Variants in TM6SF1 observed in about 807,000 individuals in gnomAD.
TM6SF1 encodes the protein transmembrane 6 superfamily member 1.
In TM6SF1, 43 loss-of-function variants were observed where a neutral mutation model predicts 47.1. The observed-to-expected ratio is 0.91, with a 90% CI of 0.72 to 1.18. The LOEUF is 1.18. TM6SF1 is among the 50% of genes most tolerant of loss of function. The pLI, the probability that TM6SF1 is intolerant of heterozygous loss-of-function variation, is 0.00. For synonymous variants in TM6SF1, 177 were observed against 166.3 expected (o/e 1.06, Z -0.49); for missense variants, 390 against 449.0 (o/e 0.87, Z 1.19).
intron 2 of TM6SF1, chr15:83,114,752 G>C (rs1359846415): frequency 6.6e-6 from 1 of 152,166 alleles, no homozygotes; most frequent in Non-Finnish European, 1.5e-5. Flanking sequence ...CATAGTCTAA[G>C]GCACCAATCT....
At chr15:83,115,485 C>T (rs913457846) in intron 2 of TM6SF1, 1 of 390,554 alleles carries the variant, frequency 2.6e-6, no homozygotes, top group African/African-American at 2.1e-5. Flanking sequence ...TGGCTTTGCT[C>T]CCACTGCCCA....
intron 6 of TM6SF1, 39 bp from the exon 7 acceptor site, chr15:83,124,633 C>T (rs2035564405): frequency 2.7e-6 from 4 of 1,501,996 alleles, no homozygotes; most frequent in East Asian, 4.6e-5. Flanking sequence ...TCTTCTTTGG[C>T]ACTTTGGGCC....
At chr15:83,108,502 G>A (rs2033869284) in intron 1 of TM6SF1, among the ~76,000 whole-genome samples, 1 of 152,084 alleles carries the variant, frequency 6.6e-6, no homozygotes, top group Non-Finnish European at 1.5e-5. Flanking sequence ...CAATGTGAAG[G>A]AAATGGGTGG....
intron 3 of TM6SF1, 88 bp downstream of exon 3, chr15:83,116,030 G>A: frequency 2.0e-6 from 2 of 1,023,200 alleles, no homozygotes; most frequent in Non-Finnish European, 3.1e-6. Context: ...CTCTCATTTA[G>A]TGTGAACAGG....
At chr15:83,122,904 C>G (rs1465592045) in intron 6 of TM6SF1, 26 bp downstream of exon 6, 1 of 1,612,270 alleles carries the variant, frequency 6.2e-7, no homozygotes, top group Non-Finnish European at 8.5e-7. Context: ...TTTGATGTAC[C>G]CTGTTCTCAA....
At chr15:83,109,252 C>T (rs762028498) in intron 1 of TM6SF1, among the ~76,000 whole-genome samples, 7 of 152,168 alleles carry the variant, frequency 4.6e-5, no homozygotes, top group East Asian at 1.9e-4. Context: ...TGGAGCCTGT[C>T]GGGCAGGAAA....
At position 83,126,854 on chromosome 15, in the gene TM6SF1, T is replaced by C; in HGVS notation, c.801+7T>C. ...TGCTTATCCTAAAATTCAGGTCAAGTAGTTATGAAGCCTAAGATTTTTCTA... is the reference window on the plus strand; with the variant it reads ...TGCTTATCCTAAAATTCAGGTCAAGCAGTTATGAAGCCTAAGATTTTTCTA... On this transcript the variant is annotated splice_region_variant and intron_variant, in intron 8 of 9. Transcript: ENST00000322019. The C allele has an allele frequency of 3.7e-6, 6 of 1,601,046 alleles. No homozygotes were observed. The highest frequency in any genetic ancestry group is 1.7e-5 in the Admixed American group (1 of 58,626).
chr15:83,125,691 C>G (rs1198870977), intron 7 of TM6SF1, among the ~76,000 whole-genome samples: 1 of 152,222 alleles, frequency 6.6e-6, no homozygotes, highest in African/African-American at 2.4e-5. Flanking sequence ...GTGACAATTT[C>G]TATTCGAAGC....
At chr15:83,131,065 C>T (rs564961815) in intron 9 of TM6SF1, 1 of 152,030 alleles carries the variant, frequency 6.6e-6, no homozygotes, top group East Asian at 1.9e-4. Flanking sequence ...ACTCTCCAGC[C>T]CAGGTGACAG....
At chr15:83,115,585 C>A in intron 2 of TM6SF1, 1 of 610,308 alleles carries the variant, frequency 1.6e-6, no homozygotes, top group Non-Finnish European at 3.1e-6. Flanking sequence ...GTGACTGAGC[C>A]GGCAGTGACC....
Position 83,136,666 on chromosome 15 carries a change from G to A in TM6SF1, c.1107G>A (p.Val369=). 2 of 1,590,176 alleles carry A rather than the reference G, an allele frequency of 1.3e-6. No homozygotes were observed. The highest frequency in any genetic ancestry group is 2.3e-5 in the South Asian group (2 of 86,174). ...TAAAAACAAAGGCAGAAGAAAAAGTGGAATAAAAATATTACTTCATGTTCC... is the reference window on the plus strand; with the variant it reads ...TAAAAACAAAGGCAGAAGAAAAAGTAGAATAAAAATATTACTTCATGTTCC... ...FFIKTKAEEK[V]E The change falls in exon 10 of 10, where the codon GTG becomes GTA. Residue 369 remains valine (V), a synonymous_variant. Coordinates refer to ENST00000322019, the MANE Select transcript of TM6SF1 (RefSeq NM_023003.5).
At chr15:83,124,871 G>C in intron 7 of TM6SF1, 95 bp downstream of exon 7, 1 of 1,085,632 alleles carries the variant, frequency 9.2e-7, no homozygotes, top group Non-Finnish European at 1.4e-6. Flanking sequence ...TTTTCCATCA[G>C]ACTTCTTAGC....
chr15:83,119,834 C>T (rs770042553), intron 4 of TM6SF1, 153 bp downstream of exon 4: 4 of 1,177,604 alleles, frequency 3.4e-6, no homozygotes, highest in South Asian at 1.6e-5. Flanking sequence ...GCTTTATCCT[C>T]CTTGTACCAC....
intron 2 of TM6SF1, chr15:83,115,379 A>C: frequency 3.4e-6 from 1 of 296,148 alleles, no homozygotes; most frequent in Non-Finnish European, 6.7e-6. Flanking sequence ...CAGCCTCCCA[A>C]AGTGCTGGGA....
intron 3 of TM6SF1, 141 bp downstream of exon 3, chr15:83,116,083 C>T (rs1035380581): frequency 1.5e-5 from 10 of 660,148 alleles, no homozygotes; most frequent in Non-Finnish European, 2.4e-5. Flanking sequence ...CCTTAGGTCG[C>T]TTAGTCACAT....
chr15:83,125,797 G>T (rs1486506914), intron 7 of TM6SF1, among the ~76,000 whole-genome samples: 1 of 152,234 alleles, frequency 6.6e-6, no homozygotes, highest in Non-Finnish European at 1.5e-5. Context: ...CTGGGGGCCT[G>T]TGCAGCAGGC....
chr15:83,127,572 G>A, intron 9 of TM6SF1, 95 bp downstream of exon 9: 1 of 1,381,160 alleles, frequency 7.2e-7, no homozygotes, highest in East Asian at 2.4e-5. Flanking sequence ...TTTAGACTAG[G>A]AGATAGCTAT....
intron 7 of TM6SF1, among the ~76,000 whole-genome samples, chr15:83,126,469 C>G (rs2035757850): frequency 1.3e-5 from 2 of 152,150 alleles, no homozygotes; most frequent in Non-Finnish European, 2.9e-5. Flanking sequence ...TAATTTAAAG[C>G]AAGCTGTGCT....
intron 4 of TM6SF1, among the ~76,000 whole-genome samples, chr15:83,121,072 C>CT (rs956601872): frequency 8.3e-4 from 122 of 146,936 alleles, no homozygotes; most frequent in African/African-American, 2.2e-3. Flanking sequence ...ATTGAAGGAA[C>CT]TTTTTTTTTT....
Sources: allele counts gnomAD v4.1 joint callset (sites outside exome capture counted in the v4.1 genomes callset), GRCh38; gene constraint gnomAD v4.1.1; transcripts MANE v1.5; gene names NCBI Gene and HGNC (gene_info 2026-07-23, HGNC 2026-07-21).